Variants in JMY observed in about 807,000 individuals in gnomAD.
JMY encodes the protein junction-mediating and -regulatory protein.
In JMY, 46 loss-of-function variants were observed where a neutral mutation model predicts 103.3. That is an observed-to-expected ratio of 0.45 (90% CI 0.35 to 0.57). The LOEUF is 0.57. Among genes scored for constraint, JMY ranks in the 20% least tolerant of loss-of-function variants. The pLI is 0.00. For synonymous variants in JMY, 526 were observed against 489.3 expected, an observed-to-expected ratio of 1.07 and a Z score of -0.99; for missense variants, 1,238 against 1,255.2, an observed-to-expected ratio of 0.99 and a Z score of 0.21.
chr5:79,314,949 T>G (rs1747171341), intron 9 of JMY, 98 bp downstream of exon 9: 28 of 1,090,212 alleles, frequency 2.6e-5, no homozygotes, highest in Non-Finnish European at 3.5e-5. Context: ...CACTTTATTT[T>G]TGACATTATT....
chr5:79,288,700 CTTTT>C (rs1746338166), intron 2 of JMY, among the ~76,000 whole-genome samples: 1 of 150,370 alleles, frequency 6.7e-6, no homozygotes, highest in South Asian at 2.1e-4. Flanking sequence ...TATTCTAATT[CTTTT>C]TGTTTTGTTT....
chr5:79,301,900 G>C (rs559732371), intron 6 of JMY, among the ~76,000 whole-genome samples: 5 of 152,084 alleles, frequency 3.3e-5, no homozygotes, highest in African/African-American at 1.2e-4. Flanking sequence ...CAGCCAACAT[G>C]GTGAAACCCT....
chr5:79,300,195 G>T lies in JMY; in HGVS notation c.1570G>T (p.Asp524Tyr). The T allele has an allele frequency of 6.2e-7, 1 of 1,613,242 alleles. No individual in the cohort carries two copies. Among genetic ancestry groups the T allele is most frequent in the Non-Finnish European group, 8.5e-7 (1 of 1,179,542 alleles). Residue 524 changes from aspartate (D) to tyrosine (Y), a missense_variant, in exon 5 of 11, where the codon GAT becomes TAT. Asp to Tyr is a radical substitution (Grantham distance 160). Transcript: ENST00000396137. ...RGGTEAIARL[D>Y]QLEADYYDLQ... ...TGGTACAGAAGCGATAGCACGATTG[G>T]ATCAGTTAGAAGCTGATTATTATGA...
rs540777666 is a variant in JMY, at chr5:79,312,126, TTTTA to T, written c.1969-273_1969-270del. Among the ~76,000 whole-genome samples, 293 of 152,304 alleles carry T rather than the reference TTTTA, an allele frequency of 1.9e-3. 1 individual carries two copies. The highest frequency in any genetic ancestry group is 6.5e-3 in the African/African-American group (272 of 41,558). On this transcript the variant is annotated intron_variant, in intron 7 of 10. Transcript: ENST00000396137. ...GCCACCGTGTCTGGCTGGTTGCTGA[TTTTA>T]TTTTTTAAAGTCATCTACATTTAAG... is the stretch of plus-strand genomic sequence containing the variant.
intron 1 of JMY, among the ~76,000 whole-genome samples, chr5:79,263,685 A>G (rs1206799562): frequency 6.6e-6 from 1 of 150,826 alleles, no homozygotes; most frequent in African/African-American, 2.4e-5. Flanking sequence ...GGCCACTAAA[A>G]TTTTTTTTTA....
At chr5:79,237,717 G>A in intron 1 of JMY, 35 bp downstream of exon 1, 1 of 1,563,708 alleles carries the variant, frequency 6.4e-7, no homozygotes. Flanking sequence ...GGCTCTACTG[G>A]TCGCTTTTGG....
intron 6 of JMY, among the ~76,000 whole-genome samples, chr5:79,301,432 G>A (rs1347178716): frequency 6.6e-6 from 1 of 152,134 alleles, no homozygotes; most frequent in Non-Finnish European, 1.5e-5. Flanking sequence ...GTACTGATTC[G>A]CTTTAAGCTC....
Position 79,324,536 on chromosome 5 carries a change from T to TGTCA in JMY, c.*2935_*2938dup, listed in dbSNP as rs1169251673. ...AGATTAATGTTACTGCCCACTTGAC[T>TGTCA]GTCAATTTCAAATGGCTCCTAATGC... On this transcript the variant is annotated 3_prime_UTR_variant, in exon 11 of 11. Transcript: ENST00000396137. 2.6e-5 allele frequency: 4 copies of TGTCA among 152,210 alleles called. No homozygotes were observed. The highest frequency in any genetic ancestry group is 5.9e-5 in the Non-Finnish European group (4 of 68,026). 9.4% of individuals were successfully genotyped at this position (152,210 alleles called of 1,614,324 possible). A position where few individuals can be genotyped will look rare whatever the true frequency, so the allele number is the denominator to read the frequency against.
intron 7 of JMY, among the ~76,000 whole-genome samples, chr5:79,311,371 A>G (rs1023207703): frequency 2.6e-5 from 4 of 152,126 alleles, no homozygotes; most frequent in Non-Finnish European, 5.9e-5. Flanking sequence ...CAATCACCCA[A>G]TGCAAATGCA....
intron 2 of JMY, 49 bp downstream of exon 2, chr5:79,278,132 C>A (rs1745999298): frequency 5.0e-6 from 7 of 1,412,362 alleles, no homozygotes; most frequent in South Asian, 2.7e-5. Context: ...TCATAGTTCT[C>A]AGCCTGAAAG....
rs778104606 is a variant in JMY, at chr5:79,316,316, C to T, written c.*3+6C>T. On this transcript the variant is annotated splice_donor_region_variant and intron_variant, in intron 10 of 10. Transcript: ENST00000396137. ...CAGACTGGGAGAACTAACAAGTAAA[C>T]GGCCTTATTGTCTTTAGTAGCATTC... is the stretch of plus-strand genomic sequence containing the variant. The T allele has an allele frequency of 1.7e-5, 27 of 1,594,298 alleles. No individual in the cohort carries two copies. Among genetic ancestry groups the T allele is most frequent in the East Asian group, 9.1e-5 (4 of 44,192 alleles).
intron 1 of JMY, among the ~76,000 whole-genome samples, chr5:79,260,423 C>T (rs868737617): frequency 6.6e-6 from 1 of 152,218 alleles, no homozygotes; most frequent in South Asian, 2.1e-4. Flanking sequence ...CTAGATGGCC[C>T]GCCACTGCCA....
At chr5:79,245,186 T>G (rs1350210998) in intron 1 of JMY, among the ~76,000 whole-genome samples, 1 of 152,218 alleles carries the variant, frequency 6.6e-6, no homozygotes, top group Non-Finnish European at 1.5e-5. Context: ...TGTATGAAGT[T>G]ACTTTAATGA....
At chr5:79,244,838 T>C (rs1043121104) in intron 1 of JMY, among the ~76,000 whole-genome samples, 1 of 151,822 alleles carries the variant, frequency 6.6e-6, no homozygotes, top group Non-Finnish European at 1.5e-5. Flanking sequence ...TATTTGTTTT[T>C]TTTTTTTTTG....
At chr5:79,307,589 A>C (rs1746924247) in intron 7 of JMY, among the ~76,000 whole-genome samples, 1 of 151,652 alleles carries the variant, frequency 6.6e-6, no homozygotes, top group Non-Finnish European at 1.5e-5. Flanking sequence ...ACAGGTATGG[A>C]CTCCTGTGCC....
rs2112034502 is a variant in JMY at position 79,236,634 on chromosome 5, G to A, written c.-17G>A. 1.5e-6 allele frequency: 2 copies of A among 1,373,080 alleles called. No homozygotes were observed. The highest frequency in any genetic ancestry group is 3.6e-5 in the South Asian group (2 of 55,048). The allele number at this position is 1,373,080 out of a possible 1,614,324, so 85.1% of individuals were successfully genotyped here. ...CGGGCCGGCGGCCCTTCCCCGCGGCGAGAAGCCGGAGCCACCATGTCGTTC... is the reference window on the plus strand; with the variant it reads ...CGGGCCGGCGGCCCTTCCCCGCGGCAAGAAGCCGGAGCCACCATGTCGTTC... On this transcript the variant is annotated 5_prime_UTR_variant, in exon 1 of 11. Coordinates refer to ENST00000396137, the MANE Select transcript of JMY (RefSeq NM_152405.5).
chr5:79,264,962 A>G (rs989574730), intron 1 of JMY, among the ~76,000 whole-genome samples: 2 of 152,098 alleles, frequency 1.3e-5, no homozygotes, highest in South Asian at 2.1e-4. Flanking sequence ...TATCACTGTC[A>G]CCCACGCTGG....
At chr5:79,288,490 T>C (rs1413723781) in intron 2 of JMY, among the ~76,000 whole-genome samples, 3 of 152,146 alleles carry the variant, frequency 2.0e-5, no homozygotes, top group African/African-American at 4.8e-5. Context: ...CATAGGTGTT[T>C]TACCCAGAGA....
At chr5:79,289,370 TG>T (rs1216252312) in intron 2 of JMY, among the ~76,000 whole-genome samples, 1 of 151,224 alleles carries the variant, frequency 6.6e-6, no homozygotes, top group African/African-American at 2.4e-5. Context: ...ACATTTTGCC[TG>T]TTTTTTTTTT....
Sources: gnomAD v4.1 joint callset for allele counts (sites outside exome capture counted in the v4.1 genomes callset) on GRCh38, gnomAD v4.1.1 for gene constraint, MANE v1.5 for transcripts, NCBI Gene and HGNC (gene_info 2026-07-23, HGNC 2026-07-21) for gene names.